The following MAD1L1 variants were observed in gnomAD, a reference collection of about 807,000 sequenced individuals.
MAD1L1 encodes the protein mitotic arrest deficient 1 like 1.
MAD1L1 carries 95 observed loss-of-function variants against 96.9 expected under a neutral mutation model. The ratio of observed to expected loss-of-function variants is 0.98; its 90% CI spans 0.83 to 1.16. The LOEUF is 1.16. Ranked by LOEUF, MAD1L1 falls within the 50% of genes most tolerant of loss-of-function variation. The pLI is 0.00. For synonymous variants in MAD1L1, 473 were observed against 396.6 expected (o/e 1.19, Z -2.29); for missense variants, 1,007 against 954.4 (o/e 1.06, Z -0.73).
intron 14 of MAD1L1, among the ~76,000 whole-genome samples, chr7:1,990,478 C>T (rs560356960): frequency 2.6e-5 from 4 of 152,380 alleles, no homozygotes; most frequent in East Asian, 1.9e-4. Context: ...CGCTGTGGGC[C>T]ATGGACAGCC....
rs531425959 is a variant in MAD1L1, at chr7:2,114,985, A to G, written c.1073+34167T>C. On this transcript the variant is annotated intron_variant, in intron 11 of 18. Transcript: ENST00000265854. The surrounding 1 kb of genome is among the most constrained non-coding windows in gnomAD (Gnocchi z 4.2). The stretch of plus-strand genomic sequence containing the variant: ...AAGAATCTGTTCCCAGGGTAGAAAC[A>G]GTGACGGGCCAGTGCAGCAGAGAAG... Among the ~76,000 whole-genome samples, 142 of 152,360 alleles carry G rather than the reference A, an allele frequency of 9.3e-4. No individual in the cohort carries two copies. Among genetic ancestry groups the G allele is most frequent in the African/African-American group, 3.0e-3 (126 of 41,592 alleles).
intron 11 of MAD1L1, among the ~76,000 whole-genome samples, chr7:2,096,578 C>T (rs1786500797): frequency 6.6e-6 from 1 of 152,168 alleles, no homozygotes; most frequent in South Asian, 2.1e-4. Context: ...AACAGCTCTC[C>T]AAGGGGCATC....
chr7:2,068,883 G>A (rs980678112), intron 12 of MAD1L1, among the ~76,000 whole-genome samples: 1 of 152,208 alleles, frequency 6.6e-6, no homozygotes, highest in Admixed American at 6.5e-5. Flanking sequence ...TGCAAGGCAC[G>A]TGGGAGCCTG....
chr7:2,094,697 G>A (rs1191833152), intron 11 of MAD1L1, among the ~76,000 whole-genome samples: 1 of 152,142 alleles, frequency 6.6e-6, no homozygotes, highest in Non-Finnish European at 1.5e-5. Flanking sequence ...GAGCGTGGAT[G>A]GCAGGTGCAA....
At position 2,231,070 on chromosome 7, in the gene MAD1L1, C is replaced by A. The variant is rs1404425164; in HGVS notation, c.-189-343G>T. On this transcript the variant is annotated intron_variant, in intron 1 of 18. Transcript: ENST00000265854. ...GTTCACGCCTCTAATCCCAGCACTT[C>A]GGGAGGCGGAGGCAGGTCCGGAGTT... Among the ~76,000 whole-genome samples the A allele has an allele frequency of 2.0e-5, 3 of 152,084 alleles. No homozygotes were observed. In the East Asian group the frequency reaches 5.8e-4, roughly 29 times the overall value.
intron 10 of MAD1L1, among the ~76,000 whole-genome samples, chr7:2,181,787 C>T (rs76215694): frequency 1.0e-3 from 154 of 151,518 alleles, no homozygotes; most frequent in African/African-American, 3.2e-3. Flanking sequence ...GCCCATCAAC[C>T]GAGTGGATAA....
chr7:2,005,832 C>CA (rs1384041165), intron 13 of MAD1L1, among the ~76,000 whole-genome samples: 1 of 152,020 alleles, frequency 6.6e-6, no homozygotes, highest in Non-Finnish European at 1.5e-5. Flanking sequence ...TAAAACAAAA[C>CA]AAAAAAAGTT....
At chr7:1,890,882 G>A (rs1230649805) in intron 18 of MAD1L1, among the ~76,000 whole-genome samples, 1 of 152,238 alleles carries the variant, frequency 6.6e-6, no homozygotes, top group Admixed American at 6.5e-5. Flanking sequence ...TTTTCCTGGG[G>A]AGGTGCACAG....
At chr7:1,879,767 G>C (rs1785580708) in intron 18 of MAD1L1, among the ~76,000 whole-genome samples, 1 of 152,142 alleles carries the variant, frequency 6.6e-6, no homozygotes, top group South Asian at 2.1e-4. Flanking sequence ...GTCTCACTCT[G>C]TCGCCCAAGC....
intron 18 of MAD1L1, among the ~76,000 whole-genome samples, chr7:1,873,588 G>A (rs1441191508): frequency 6.6e-6 from 1 of 152,080 alleles, no homozygotes; most frequent in Non-Finnish European, 1.5e-5. Context: ...GGGCTGGGCA[G>A]GGGGCTCTGC....
chr7:2,032,078 A>G (rs4721327), intron 12 of MAD1L1, among the ~76,000 whole-genome samples: 29,119 of 152,252 alleles, frequency 0.19, 5,498 homozygotes, highest in African/African-American at 0.48. Context: ...CCAGGGTGCC[A>G]GGCACACTCC....
At chr7:2,075,850 T>G (rs1562662798) in intron 11 of MAD1L1, among the ~76,000 whole-genome samples, 2 of 152,152 alleles carry the variant, frequency 1.3e-5, no homozygotes, top group Non-Finnish European at 2.9e-5. Context: ...CCACACACTC[T>G]TTGTCTACCT....
intron 15 of MAD1L1, among the ~76,000 whole-genome samples, chr7:1,975,607 G>C (rs1376908528): frequency 6.6e-6 from 1 of 152,202 alleles, no homozygotes; most frequent in East Asian, 1.9e-4. Flanking sequence ...ATGGAGATTT[G>C]TTGGATGAAA....
At chr7:1,845,003 C>T (rs1397035014) in intron 18 of MAD1L1, among the ~76,000 whole-genome samples, 1 of 152,168 alleles carries the variant, frequency 6.6e-6, no homozygotes, top group South Asian at 2.1e-4. Flanking sequence ...GGCCTGAGCC[C>T]GAGGCTCCTG....
At chr7:2,211,831 C>T (rs181352465) in intron 10 of MAD1L1, among the ~76,000 whole-genome samples, 10 of 152,326 alleles carry the variant, frequency 6.6e-5, no homozygotes, top group Admixed American at 4.6e-4. Flanking sequence ...AGCAGTCGGA[C>T]GGTGTGGTCA....
At chr7:1,985,155 G>A (rs1022328950) in intron 14 of MAD1L1, among the ~76,000 whole-genome samples, 5 of 152,218 alleles carry the variant, frequency 3.3e-5, no homozygotes, top group African/African-American at 1.2e-4. Flanking sequence ...GTTTGTGGAT[G>A]AGATCAGCAT....
rs186665084 is a variant in MAD1L1 at position 2,028,197 on chromosome 7, A to G, written c.1219-13555T>C. 3.5e-4 allele frequency among the ~76,000 whole-genome samples: 54 copies of G among 152,208 alleles called. No homozygotes were observed. The East Asian group carries it at 9.5e-3, about 27-fold the overall frequency. ...TCCCAGCACTTTGGGAGGCCGAGGCAGGCGGATTACGAGGTCAGGAGATCG... is the reference window on the plus strand; with the variant it reads ...TCCCAGCACTTTGGGAGGCCGAGGCGGGCGGATTACGAGGTCAGGAGATCG... On this transcript the variant is annotated intron_variant, in intron 12 of 18. Coordinates refer to ENST00000265854, the MANE Select transcript of MAD1L1 (RefSeq NM_001013836.2).
chr7:1,831,136 C>T (rs1782683434), intron 18 of MAD1L1, among the ~76,000 whole-genome samples: 1 of 152,280 alleles, frequency 6.6e-6, no homozygotes, highest in Non-Finnish European at 1.5e-5. Context: ...ACAGACACTG[C>T]ATTTTTTACA....
At position 1,979,423 on chromosome 7, in the gene MAD1L1, A is replaced by T. The variant is rs530506503; in HGVS notation, c.1505+1030T>A. Among the ~76,000 whole-genome samples the T allele has an allele frequency of 5.9e-5, 9 of 152,328 alleles. No homozygotes were observed. The South Asian group carries it at 1.9e-3, about 32-fold the overall frequency. On this transcript the variant is annotated intron_variant, in intron 15 of 18. Coordinates refer to ENST00000265854, the MANE Select transcript of MAD1L1 (RefSeq NM_001013836.2). ...TCCTGCCACCCCACCCTGTGCCCACAGCCACCGCCTCCCACATTGGATTCT... is the reference window on the plus strand; with the variant it reads ...TCCTGCCACCCCACCCTGTGCCCACTGCCACCGCCTCCCACATTGGATTCT...
Sources: gnomAD v4.1 joint callset for allele counts (sites outside exome capture counted in the v4.1 genomes callset) on GRCh38, gnomAD v4.1.1 for gene constraint, Gnocchi (gnomAD v3.1) non-coding constraint, MANE v1.5 for transcripts, NCBI Gene and HGNC (gene_info 2026-07-23, HGNC 2026-07-21) for gene names.